The following DRC9 variants were observed in gnomAD, a reference collection of about 807,000 sequenced individuals.
The protein encoded by DRC9 is dynein regulatory complex protein 9.
At chr3:197,952,836 C>CTT in the DRC9 span, among the ~76,000 whole-genome samples, 11 of 144,272 alleles carry the variant, frequency 7.6e-5, no homozygotes, top group African/African-American at 1.5e-4. Flanking sequence ...ATGCTGTAGA[C>CTT]TTTTTTTTTT....
chr3:197,932,180 A>G, the DRC9 span: 267 of 1,612,172 alleles, frequency 1.7e-4, no homozygotes, highest in African/African-American at 3.2e-3. Context: ...TGACCTGGCA[A>G]TGATGTCATA....
At chr3:197,889,565 C>A in the DRC9 span, 4 of 1,614,122 alleles carry the variant, frequency 2.5e-6, no homozygotes, top group Non-Finnish European at 3.4e-6. Flanking sequence ...GCAGAAAACA[C>A]AAAAGAGAAC....
the DRC9 span, among the ~76,000 whole-genome samples, chr3:197,896,704 C>T: frequency 6.6e-6 from 1 of 152,162 alleles, no homozygotes; most frequent in African/African-American, 2.4e-5. Context: ...CATCTCTGTG[C>T]TGTAACTTCA....
At chr3:197,889,730 G>A in the DRC9 span, 2 of 1,613,922 alleles carry the variant, frequency 1.2e-6, no homozygotes, top group African/African-American at 1.3e-5. Context: ...AGAGAAAAGG[G>A]GAGTGAGTAC....
the DRC9 span, among the ~76,000 whole-genome samples, chr3:197,934,287 C>T: frequency 5.3e-5 from 8 of 150,412 alleles, no homozygotes; most frequent in Admixed American, 1.3e-4. Flanking sequence ...CAGGTTCAAG[C>T]GATTCTCCTG....
chr3:197,914,783 C>T, the DRC9 span, among the ~76,000 whole-genome samples: 1 of 152,070 alleles, frequency 6.6e-6, no homozygotes, highest in African/African-American at 2.4e-5. Context: ...GGGAGGAGTA[C>T]ATTAGACTCT....
chr3:197,905,034 CA>C, the DRC9 span, among the ~76,000 whole-genome samples: 1 of 151,994 alleles, frequency 6.6e-6, no homozygotes, highest in Non-Finnish European at 1.5e-5. Flanking sequence ...AAAATTAAAA[CA>C]ATTGAACTCA....
chr3:197,936,053 G>A, the DRC9 span, among the ~76,000 whole-genome samples: 13 of 151,886 alleles, frequency 8.6e-5, no homozygotes, highest in Non-Finnish European at 1.5e-5. Context: ...TTCAAGACCT[G>A]CTCGGGAGGC....
chr3:197,930,568 C>G, the DRC9 span, among the ~76,000 whole-genome samples: 2 of 149,270 alleles, frequency 1.3e-5, no homozygotes, highest in Non-Finnish European at 1.5e-5. Context: ...TGGTGAGACT[C>G]TGACTTTACA....
the DRC9 span, chr3:197,957,241 TCTG>T: frequency 6.6e-6 from 1 of 152,122 alleles, no homozygotes; most frequent in Non-Finnish European, 1.5e-5. Context: ...CTGTTACAAA[TCTG>T]CTAACCTACA....
At chr3:197,903,839 G>C in the DRC9 span, among the ~76,000 whole-genome samples, 1 of 151,662 alleles carries the variant, frequency 6.6e-6, no homozygotes, top group Non-Finnish European at 1.5e-5. Context: ...GCCGAGTGTA[G>C]TCACTCACAC....
At chr3:197,933,023 A>G in the DRC9 span, among the ~76,000 whole-genome samples, 3 of 141,666 alleles carry the variant, frequency 2.1e-5, no homozygotes, top group Non-Finnish European at 3.0e-5. Context: ...ATATTAATAT[A>G]AAATATTATA....
At chr3:197,900,672 C>T in the DRC9 span, among the ~76,000 whole-genome samples, 1 of 151,912 alleles carries the variant, frequency 6.6e-6, no homozygotes, top group Non-Finnish European at 1.5e-5. The surrounding 1 kb of genome is among the most constrained non-coding windows in gnomAD (Gnocchi z 4.7). Flanking sequence ...CCAGCTCAGC[C>T]ACAGCAGAAC....
At chr3:197,935,094 C>G in the DRC9 span, among the ~76,000 whole-genome samples, 4,770 of 152,184 alleles carry the variant, frequency 0.031, 274 homozygotes, top group African/African-American at 0.11. Flanking sequence ...AGAGAATAGC[C>G]AGTTTTAGCT....
chr3:197,910,997 A>G, the DRC9 span, among the ~76,000 whole-genome samples: 1 of 151,822 alleles, frequency 6.6e-6, no homozygotes, highest in East Asian at 1.9e-4. Flanking sequence ...AAAAAAAAAA[A>G]AAGAAAGAAA....
At chr3:197,948,469 C>T in the DRC9 span, among the ~76,000 whole-genome samples, 9 of 152,186 alleles carry the variant, frequency 5.9e-5, no homozygotes, top group East Asian at 1.9e-4. Context: ...AACATGACAA[C>T]GATGCTCACA....
chr3:197,948,751 T>C, the DRC9 span, among the ~76,000 whole-genome samples: 1 of 152,236 alleles, frequency 6.6e-6, no homozygotes, highest in Non-Finnish European at 1.5e-5. Context: ...TATACATCTA[T>C]TTCATACAAC....
At chr3:197,927,417 G>C in the DRC9 span, among the ~76,000 whole-genome samples, 1 of 152,120 alleles carries the variant, frequency 6.6e-6, no homozygotes, top group Non-Finnish European at 1.5e-5. Context: ...GTAGAGATGG[G>C]TTTTTACCAT....
chr3:197,922,881 G>A, the DRC9 span, among the ~76,000 whole-genome samples: 2 of 151,846 alleles, frequency 1.3e-5, no homozygotes, highest in African/African-American at 4.8e-5. Context: ...AAAGAGTTAG[G>A]AAACCTCTGA....
Sources: gnomAD v4.1 joint callset for allele counts (sites outside exome capture counted in the v4.1 genomes callset) on GRCh38, gnomAD v4.1.1 for gene constraint, Gnocchi (gnomAD v3.1) non-coding constraint, MANE v1.5 for transcripts, NCBI Gene and HGNC (gene_info 2026-07-23, HGNC 2026-07-21) for gene names.